FHL1: variants seen among roughly 807,000 people sequenced by gnomAD.
FHL1 encodes four and a half LIM domains protein 1.
A neutral mutation model predicts 20.3 loss-of-function variants in FHL1; 1 was observed. That is an observed-to-expected ratio of 0.05 (90% CI 0.02 to 0.23). The LOEUF is 0.23. Among genes scored for constraint, FHL1 ranks in the 10% least tolerant of loss-of-function variants. FHL1 has a pLI of 1.00. For synonymous variants in FHL1, 82 were observed against 88.9 expected (o/e 0.92, Z 0.44); for missense variants, 177 against 234.0 (o/e 0.76, Z 1.59).
At chrX:136,186,159 T>A (rs896050373) in intron 2 of FHL1, among the ~76,000 whole-genome samples, 1 of 111,915 alleles carries the variant, frequency 8.9e-6, no homozygotes, top group African/African-American at 3.2e-5. Flanking sequence ...CATGAGGATA[T>A]GTTGTGTGCA....
At position 136,161,129 on chromosome X, in the gene FHL1, C is replaced by T. The variant is rs751074684; in HGVS notation, c.-100-8778C>T. Among the ~76,000 whole-genome samples, 103 of 111,812 alleles carry T rather than the reference C, an allele frequency of 9.2e-4. 1 individual carries two copies. The highest frequency in any genetic ancestry group is 1.6e-3 in the Non-Finnish European group (87 of 53,161). On this transcript the variant is annotated intron_variant, in intron 1 of 7. Transcript: ENST00000394155. ...CGTCATTAGGCCTAGTGTAGTCATG[C>T]TCCCTAACTACTGTGAGTATCTGGA...
upstream of FHL1, chrX:136,196,722 A>G: frequency 1.2e-6 from 1 of 806,873 alleles, no homozygotes; most frequent in Admixed American, 3.2e-5. Flanking sequence ...CAAGCTCTTG[A>G]GGCATATAAA....
intron 2 of FHL1, among the ~76,000 whole-genome samples, chrX:136,174,858 C>T (rs2072960758): frequency 9.0e-6 from 1 of 111,394 alleles, no homozygotes; most frequent in Non-Finnish European, 1.9e-5. Context: ...GGGCTGTTAG[C>T]AAACTTGTAA....
intron 2 of FHL1, among the ~76,000 whole-genome samples, chrX:136,190,281 A>G (rs181920590): frequency 9.0e-6 from 1 of 111,154 alleles, no homozygotes; most frequent in East Asian, 2.8e-4. Context: ...GGCATGGTGA[A>G]CTTGTTGTTT....
rs779376515 is a variant in FHL1 at position 136,179,006 on chromosome X, C to G, written c.-27+9026C>G. ...TCCTGACTTCAAGTGATCCACCCGC[C>G]TTGGACTCCCAAAGTGCTGGGATTA... On this transcript the variant is annotated intron_variant, in intron 2 of 6. Transcript: ENST00000394153. Among the ~76,000 whole-genome samples the G allele has an allele frequency of 3.6e-5, 4 of 111,892 alleles. No homozygotes were observed. The South Asian group carries it at 1.5e-3, about 42-fold the overall frequency.
At chrX:136,198,929 G>A (rs1164317683) in intron 1 of FHL1, among the ~76,000 whole-genome samples, 1 of 111,413 alleles carries the variant, frequency 9.0e-6, no homozygotes, top group Non-Finnish European at 1.9e-5. Flanking sequence ...TCAGGGCAGG[G>A]ATGGAAAATG....
At chrX:136,175,499 AAAG>A in intron 2 of FHL1, among the ~76,000 whole-genome samples, 1 of 112,585 alleles carries the variant, frequency 8.9e-6, no homozygotes, top group South Asian at 3.7e-4. Context: ...TATTCTAAGA[AAAG>A]AAAAAAAGCT....
At chrX:136,175,144 T>G (rs1298401160) in intron 2 of FHL1, among the ~76,000 whole-genome samples, 2 of 112,205 alleles carry the variant, frequency 1.8e-5, no homozygotes, top group East Asian at 5.5e-4. Context: ...TTCCTAACTG[T>G]TGGCTGAATG....
At chrX:136,177,725 C>T (rs2073043194) in intron 2 of FHL1, among the ~76,000 whole-genome samples, 1 of 112,022 alleles carries the variant, frequency 8.9e-6, no homozygotes, top group African/African-American at 3.2e-5. Context: ...TATTAGAGTT[C>T]AGATCTGTCA....
chrX:136,178,894 A>G (rs1367241335), intron 2 of FHL1, among the ~76,000 whole-genome samples: 8 of 109,911 alleles, frequency 7.3e-5, no homozygotes, highest in Non-Finnish European at 1.5e-4. Flanking sequence ...AGCTGGGACT[A>G]TAGGCGTGTG....
intron 1 of FHL1, 36 bp downstream of exon 1, chrX:136,197,170 A>T (rs1278696045): frequency 8.6e-7 from 1 of 1,162,023 alleles, no homozygotes; most frequent in South Asian, 1.9e-5. Flanking sequence ...TATTGAGCAC[A>T]GTTTTGTTAG....
chrX:136,155,241 G>A (rs974902736), intron 1 of FHL1, among the ~76,000 whole-genome samples: 1 of 111,249 alleles, frequency 9.0e-6, no homozygotes, highest in African/African-American at 3.3e-5. Context: ...CCTTGTCCCC[G>A]TTTGCCAGTG....
intron 1 of FHL1, among the ~76,000 whole-genome samples, chrX:136,156,286 T>C (rs1471544800): frequency 9.3e-6 from 1 of 107,593 alleles, no homozygotes; most frequent in Non-Finnish European, 1.9e-5. Context: ...CTATAGCCTT[T>C]TTTTTTTTTT....
upstream of FHL1, among the ~76,000 whole-genome samples, chrX:136,165,578 C>A (rs1188006011): frequency 8.9e-6 from 1 of 112,114 alleles, no homozygotes; most frequent in African/African-American, 3.2e-5. Context: ...ATTCTGAAGG[C>A]TGTGATTAAG....
chrX:136,210,417 C>T lies in FHL1; in HGVS notation c.*392C>T, dbSNP rs1163411902. 7 of 393,486 alleles carry T rather than the reference C, an allele frequency of 1.8e-5. No individual in the cohort carries two copies. Among genetic ancestry groups the T allele is most frequent in the Non-Finnish European group, 3.3e-5 (7 of 210,644 alleles). 32.4% of individuals were successfully genotyped at this position (393,486 alleles called of 1,213,427 possible). ...TCAGCTGGGACCCACCGTGTAGACA[C>T]ACGACATGCAAGAGTTGCAGCGGCT... On this transcript the variant is annotated 3_prime_UTR_variant, in exon 6 of 6. Transcript: ENST00000370683.
chrX:136,210,094 T>C lies in FHL1; in HGVS notation c.*69T>C. 1.7e-6 allele frequency: 2 copies of C among 1,178,713 alleles called. No individual in the cohort carries two copies. ...TTCTTTGTGTCCTTACTTTCTGCCC[T>C]ATACCATCAATAGGGGAAGAGTGGT... is the stretch of plus-strand genomic sequence containing the variant. On this transcript the variant is annotated 3_prime_UTR_variant, in exon 6 of 6. Coordinates refer to ENST00000370683, the MANE Select transcript of FHL1 (RefSeq NM_001159699.2).
At chrX:136,149,102 T>A (rs2072193936) in intron 1 of FHL1, among the ~76,000 whole-genome samples, 1 of 112,280 alleles carries the variant, frequency 8.9e-6, no homozygotes, top group African/African-American at 3.2e-5. Flanking sequence ...GCAGGAATAA[T>A]TTTTTCCGTC....
intron 2 of FHL1, among the ~76,000 whole-genome samples, chrX:136,184,308 C>G (rs948747124): frequency 9.0e-6 from 1 of 111,616 alleles, no homozygotes; most frequent in Non-Finnish European, 1.9e-5. Context: ...GAGGGCTTTC[C>G]AAGTTATTTT....
chrX:136,209,682 G>A (rs1479210763), intron 5 of FHL1, among the ~76,000 whole-genome samples, 189 bp from the exon 6 acceptor site: 2 of 109,905 alleles, frequency 1.8e-5, no homozygotes, highest in African/African-American at 3.3e-5. Flanking sequence ...GGACAATGGC[G>A]GCGTGGGGGA....
Sources: allele counts gnomAD v4.1 joint callset (sites outside exome capture counted in the v4.1 genomes callset), GRCh38; gene constraint gnomAD v4.1.1; transcripts MANE v1.5; gene names NCBI Gene and HGNC (gene_info 2026-07-23, HGNC 2026-07-21).